ATP6V0D1: variants seen among roughly 807,000 people sequenced by gnomAD.
The protein encoded by ATP6V0D1 is V-type proton ATPase subunit d 1.
In ATP6V0D1, 13 loss-of-function variants were observed where a neutral mutation model predicts 39.0. The observed-to-expected ratio is 0.33, with a 90% CI of 0.22 to 0.53. ATP6V0D1 has a LOEUF of 0.53. Ranked by LOEUF, ATP6V0D1 falls within the 20% of genes least tolerant of loss-of-function variation. The pLI is 0.94. For missense variants in ATP6V0D1, 272 were observed against 470.9 expected (o/e 0.58, Z 3.91); for synonymous variants, 191 against 191.2 (o/e 1.00, Z 0.01).
rs767239607 is a variant in ATP6V0D1, at chr16:67,481,093, T to TGCGGGAGCG, written c.-16_-8dup. On this transcript the variant is annotated 5_prime_UTR_variant, in exon 1 of 8. Transcript: ENST00000290949. ...GCTCCGGGAAGAACGACATGGCTGCTGCGGGAGCGGCGGGACCGGAGAACC... is the reference window on the plus strand; with the variant it reads ...GCTCCGGGAAGAACGACATGGCTGCTGCGGGAGCGGCGGGAGCGGCGGGACCGGAGAACC... The TGCGGGAGCG allele has an allele frequency of 6.2e-6, 10 of 1,613,790 alleles. No individual in the cohort carries two copies. The highest frequency in any genetic ancestry group is 2.7e-5 in the African/African-American group (2 of 74,930).
chr16:67,456,764 C>G lies in ATP6V0D1; in HGVS notation c.131-3049G>C, dbSNP rs1169208623. 1 of 152,284 alleles carries G rather than the reference C, an allele frequency of 6.6e-6. No homozygotes were observed. Among genetic ancestry groups the G allele is most frequent in the Non-Finnish European group, 1.5e-5 (1 of 68,068 alleles). 9.4% of individuals were successfully genotyped at this position (152,284 alleles called of 1,614,324 possible). ...ACTCAGTCCTTTGGGTGGTGGCACT[C>G]CTGCCAGTGACTCCACTATTCCCTG... On this transcript the variant is annotated intron_variant, in intron 1 of 7. Transcript: ENST00000290949. The surrounding 1 kb of genome is among the most constrained non-coding windows in gnomAD (Gnocchi z 4.1).
chr16:67,457,396 C>T (rs552597221), intron 1 of ATP6V0D1: 108 of 365,844 alleles, frequency 3.0e-4, no homozygotes, highest in South Asian at 2.2e-3. Context: ...CCTCCTTTAC[C>T]GCTCTATTCC....
chr16:67,438,455 A>G lies in ATP6V0D1; in HGVS notation c.*73T>C. 1 of 1,532,480 alleles carries G rather than the reference A, an allele frequency of 6.5e-7. No individual in the cohort carries two copies. Among genetic ancestry groups the G allele is most frequent in the Non-Finnish European group, 8.8e-7 (1 of 1,132,390 alleles). 94.9% of individuals were successfully genotyped at this position (1,532,480 alleles called of 1,614,324 possible). On this transcript the variant is annotated 3_prime_UTR_variant, in exon 8 of 8. Coordinates refer to ENST00000290949, the MANE Select transcript of ATP6V0D1 (RefSeq NM_004691.5). The stretch of plus-strand genomic sequence containing the variant: ...CAGGCTTGTCACAGACCACATACAC[A>G]CACACGCACACACACGCGCACACAC...
rs767394328 is a variant in ATP6V0D1, at chr16:67,439,009, C to T, written c.778G>A (p.Asp260Asn). Residue 260 changes from aspartate to asparagine, a missense_variant, in exon 6 of 8, where the codon GAC becomes AAC. Physicochemically the swap from Asp to Asn is conservative, Grantham distance 23. This residue lies in a region of ATP6V0D1 where 135 missense variants were observed against 273.8 expected (regional missense o/e 0.49). Transcript: ENST00000290949. ...GCCACGTTCTTGACCTGTTCATAGTCGTCAGCCCGAGCCAGCTGCGCCAGG... is the reference window on the plus strand; with the variant it reads ...GCCACGTTCTTGACCTGTTCATAGTTGTCAGCCCGAGCCAGCTGCGCCAGG... ...EGLAQLARAD[D>N]YEQVKNVADY... 23 of 1,613,998 alleles carry T rather than the reference C, an allele frequency of 1.4e-5. No individual in the cohort carries two copies. The highest frequency in any genetic ancestry group is 1.9e-5 in the Non-Finnish European group (23 of 1,180,026).
chr16:67,465,768 G>C (rs1345263596), intron 1 of ATP6V0D1, among the ~76,000 whole-genome samples: 1 of 152,212 alleles, frequency 6.6e-6, no homozygotes, highest in Non-Finnish European at 1.5e-5. Flanking sequence ...GATGGGTAGA[G>C]GTACACAGAC....
chr16:67,446,520 CCCCAA>C (rs2041117428), intron 2 of ATP6V0D1, among the ~76,000 whole-genome samples: 1 of 152,166 alleles, frequency 6.6e-6, no homozygotes, highest in African/African-American at 2.4e-5. Flanking sequence ...AGCCTCCTGC[CCCCAA>C]CCCCACAGTG....
intron 1 of ATP6V0D1, among the ~76,000 whole-genome samples, chr16:67,466,503 T>TC (rs932073415): frequency 6.8e-6 from 1 of 146,898 alleles, no homozygotes; most frequent in Non-Finnish European, 1.5e-5. Context: ...CACTCCAGCC[T>TC]GGGCAACAAG....
At chr16:67,459,116 T>C (rs1339822772) in intron 1 of ATP6V0D1, 2 of 985,588 alleles carry the variant, frequency 2.0e-6, no homozygotes, top group Non-Finnish European at 2.4e-6. Flanking sequence ...TTGACTGGTC[T>C]AACAGTGCTA....
At chr16:67,471,233 C>A (rs1030802829) in intron 1 of ATP6V0D1, among the ~76,000 whole-genome samples, 1 of 152,210 alleles carries the variant, frequency 6.6e-6, no homozygotes, top group African/African-American at 2.4e-5. Context: ...GTTGCCCAGA[C>A]TGGAGTACAG....
chr16:67,460,730 T>C (rs143397041), intron 1 of ATP6V0D1, among the ~76,000 whole-genome samples: 2 of 152,256 alleles, frequency 1.3e-5, no homozygotes, highest in Non-Finnish European at 2.9e-5. Context: ...AACTGGGGTA[T>C]CCATGGCACC....
chr16:67,466,371 AC>A (rs2041330832), intron 1 of ATP6V0D1, among the ~76,000 whole-genome samples: 1 of 149,988 alleles, frequency 6.7e-6, no homozygotes, highest in Non-Finnish European at 1.5e-5. Flanking sequence ...ACACACACAC[AC>A]ACACAAAATT....
intron 1 of ATP6V0D1, among the ~76,000 whole-genome samples, chr16:67,470,130 G>A (rs953936914): frequency 1.3e-5 from 2 of 152,118 alleles, no homozygotes; most frequent in African/African-American, 2.4e-5. Context: ...GGTTCTAATA[G>A]TTTGCTGCTA....
rs2041292917 is a variant in ATP6V0D1, at chr16:67,462,021, G to A, written c.131-8306C>T. 1.3e-5 allele frequency among the ~76,000 whole-genome samples: 2 copies of A among 152,172 alleles called. 1 individual carries two copies. Among genetic ancestry groups the A allele is most frequent in the South Asian group, 4.1e-4 (2 of 4,830 alleles). ...AGTCAACTCGTTTGACAGTCAGGAGGGTGCCAGGCAGGCGACAGTCCCATG... is the reference window on the plus strand; with the variant it reads ...AGTCAACTCGTTTGACAGTCAGGAGAGTGCCAGGCAGGCGACAGTCCCATG... On this transcript the variant is annotated intron_variant, in intron 1 of 7. Coordinates refer to ENST00000290949, the MANE Select transcript of ATP6V0D1 (RefSeq NM_004691.5).
intron 1 of ATP6V0D1, among the ~76,000 whole-genome samples, chr16:67,472,266 C>T (rs1179990045): frequency 6.6e-6 from 1 of 152,238 alleles, no homozygotes; most frequent in African/African-American, 2.4e-5. Flanking sequence ...GAGGGAAAAA[C>T]TTCAGGCTTG....
chr16:67,463,941 C>T (rs1364830256), intron 1 of ATP6V0D1, among the ~76,000 whole-genome samples: 1 of 152,224 alleles, frequency 6.6e-6, no homozygotes, highest in African/African-American at 2.4e-5. Context: ...ACTGAAGCCA[C>T]TGGGGGAGGT....
chr16:67,439,721 G>T, intron 4 of ATP6V0D1: 1 of 286,260 alleles, frequency 3.5e-6, no homozygotes, highest in Non-Finnish European at 6.7e-6. Flanking sequence ...CCCTTCCTCA[G>T]CCTCTGAAAA....
chr16:67,470,927 C>G (rs1052160584), intron 1 of ATP6V0D1, among the ~76,000 whole-genome samples: 1 of 152,156 alleles, frequency 6.6e-6, no homozygotes, highest in Non-Finnish European at 1.5e-5. Flanking sequence ...GTCCTTCATC[C>G]CCCCTCATTC....
intron 1 of ATP6V0D1, chr16:67,459,327 T>G: frequency 6.6e-6 from 6 of 903,514 alleles, no homozygotes; most frequent in Non-Finnish European, 7.9e-6. Context: ...AGGCCGGCCC[T>G]GTCCACCCTG....
intron 1 of ATP6V0D1, among the ~76,000 whole-genome samples, chr16:67,459,731 T>C (rs149943845): frequency 1.4e-4 from 22 of 152,350 alleles, no homozygotes; most frequent in African/African-American, 5.1e-4. Flanking sequence ...CAGGCTCAGA[T>C]GGCACACGGC....
Sources: gnomAD v4.1 joint callset for allele counts (sites outside exome capture counted in the v4.1 genomes callset) on GRCh38, gnomAD v4.1.1 for gene constraint, gnomAD v4.1.1 regional missense constraint, Gnocchi (gnomAD v3.1) non-coding constraint, MANE v1.5 for transcripts, NCBI Gene and HGNC (gene_info 2026-07-23, HGNC 2026-07-21) for gene names.